Variants in DOCK9 observed in about 807,000 individuals in gnomAD.
The protein encoded by DOCK9 is dedicator of cytokinesis 9.
DOCK9 carries 89 observed loss-of-function variants against 263.3 expected under a neutral mutation model. The observed-to-expected ratio is 0.34, with a 90% confidence interval of 0.28 to 0.40. DOCK9 has a LOEUF of 0.40. DOCK9 is among the 10% of genes least tolerant of loss of function. DOCK9 has a pLI of 1.00. For missense variants in DOCK9, 2,140 were observed against 2,603.4 expected, an observed-to-expected ratio of 0.82 and a Z score of 3.87; for synonymous variants, 976 against 973.1, an observed-to-expected ratio of 1.00 and a Z score of -0.06.
At chr13:98,947,506 A>T (rs1430389034) in intron 2 of DOCK9, among the ~76,000 whole-genome samples, 2 of 123,800 alleles carry the variant, frequency 1.6e-5, no homozygotes, top group South Asian at 2.6e-4. Context: ...TCTATTCAGA[A>T]TTTTTTTTTT....
At chr13:99,006,749 A>C (rs1322656199) in intron 1 of DOCK9, among the ~76,000 whole-genome samples, 1 of 152,308 alleles carries the variant, frequency 6.6e-6, no homozygotes, top group East Asian at 1.9e-4. Flanking sequence ...AATTTTCTAC[A>C]GTACTTATGT....
rs116079626 is a variant in DOCK9 at position 99,065,186 on chromosome 13, T to C, written c.129+21037A>G. The stretch of plus-strand genomic sequence containing the variant: ...AAGGAGGATTATTAATCAAAATTCA[T>C]TGAATAAATAAATGTCCTAATCTAA... On this transcript the variant is annotated intron_variant, in intron 1 of 32. Transcript: ENST00000427887. Among the ~76,000 whole-genome samples the C allele has an allele frequency of 6.7e-3, 1,023 of 152,288 alleles. 12 individuals carry two copies. The highest frequency in any genetic ancestry group is 0.024 in the African/African-American group (995 of 41,562).
intron 1 of DOCK9, among the ~76,000 whole-genome samples, chr13:99,004,784 G>GACAC (rs10533387): frequency 0.024 from 3,512 of 148,104 alleles, 47 homozygotes; most frequent in East Asian, 0.05. Flanking sequence ...AAAAACTATA[G>GACAC]ACACACACAC....
At chr13:98,889,204 G>A (rs2046254502) in intron 15 of DOCK9, among the ~76,000 whole-genome samples, 1 of 152,150 alleles carries the variant, frequency 6.6e-6, no homozygotes, top group African/African-American at 2.4e-5. Flanking sequence ...GGATGCAAAG[G>A]CAGTAGAATG....
chr13:98,880,914 C>T (rs2044646414), intron 25 of DOCK9, among the ~76,000 whole-genome samples: 1 of 151,932 alleles, frequency 6.6e-6, no homozygotes, highest in South Asian at 2.1e-4. Flanking sequence ...CCCGTAACTC[C>T]ACCTGTGCCA....
intron 2 of DOCK9, among the ~76,000 whole-genome samples, chr13:98,935,142 ATTAAC>A (rs1220836211): frequency 6.6e-6 from 1 of 152,202 alleles, no homozygotes; most frequent in Non-Finnish European, 1.5e-5. Context: ...GAAAGCTAAA[ATTAAC>A]TTAAGCTAAA....
chr13:98,804,018 T>G (rs2090415761), intron 49 of DOCK9, among the ~76,000 whole-genome samples: 1 of 152,004 alleles, frequency 6.6e-6, no homozygotes, highest in Admixed American at 6.6e-5. Context: ...AGCATACGCT[T>G]CGCCGGTGAG....
chr13:98,952,983 A>G (rs7320485), intron 2 of DOCK9, among the ~76,000 whole-genome samples: 30,400 of 152,124 alleles, frequency 0.2, 3,537 homozygotes, highest in African/African-American at 0.32. Flanking sequence ...TCTGCCTCTA[A>G]TAATACAATA....
At chr13:98,927,274 TTGAG>T (rs1250490410) in intron 3 of DOCK9, among the ~76,000 whole-genome samples, 1 of 152,260 alleles carries the variant, frequency 6.6e-6, no homozygotes, top group Non-Finnish European at 1.5e-5. Flanking sequence ...TTTTCACATT[TTGAG>T]TATCATACAT....
intron 9 of DOCK9, among the ~76,000 whole-genome samples, chr13:98,905,984 T>C (rs955840578): frequency 2.6e-5 from 4 of 152,158 alleles, no homozygotes; most frequent in African/African-American, 9.7e-5. Context: ...GCAGGGCCGA[T>C]TAACAAATCC....
Position 98,829,181 on chromosome 13 carries a change from A to T in DOCK9, c.4965+126T>A. The T allele has an allele frequency of 1.2e-6, 1 of 837,004 alleles. No homozygotes were observed. The highest frequency in any genetic ancestry group is 1.8e-6 in the Non-Finnish European group (1 of 546,168). 51.8% of individuals were successfully genotyped at this position (837,004 alleles called of 1,614,324 possible). A position where few individuals can be genotyped will look rare whatever the true frequency, so the allele number is the denominator to read the frequency against. On this transcript the variant is annotated intron_variant, in intron 43 of 52. Coordinates refer to ENST00000682017, the MANE Select transcript of DOCK9 (RefSeq NM_001366683.2). The surrounding 1 kb of genome is among the most constrained non-coding windows in gnomAD (Gnocchi z 4.1). ...GTCACCCTAAGCTTCATACTGTTTA[A>T]AGTTTTGCATACTTTTAATTGGTTT...
At chr13:98,852,509 C>G (rs1248873466) in intron 35 of DOCK9, among the ~76,000 whole-genome samples, 2 of 151,968 alleles carry the variant, frequency 1.3e-5, no homozygotes, top group Admixed American at 1.3e-4. Flanking sequence ...TATTTTCAAG[C>G]AGAAATACCT....
intron 1 of DOCK9, among the ~76,000 whole-genome samples, chr13:99,032,548 G>A (rs1325263722): frequency 1.3e-5 from 2 of 151,650 alleles, no homozygotes; most frequent in African/African-American, 4.8e-5. Flanking sequence ...CCCCTCTTTG[G>A]GAAAGATAAG....
intron 1 of DOCK9, among the ~76,000 whole-genome samples, chr13:99,008,184 G>GA (rs1883687616): frequency 1.3e-5 from 1 of 78,148 alleles, no homozygotes; most frequent in African/African-American, 4.4e-5. Flanking sequence ...ATATTGTGCA[G>GA]CCTCTCTCTC....
At chr13:99,042,381 C>T (rs1366340580) in intron 1 of DOCK9, among the ~76,000 whole-genome samples, 1 of 152,228 alleles carries the variant, frequency 6.6e-6, no homozygotes, top group Non-Finnish European at 1.5e-5. Flanking sequence ...CACTGTCCAG[C>T]CTTCTCTTCC....
In DOCK9 at chr13:98,903,255, G is replaced by A. The variant is rs541434174; in HGVS notation, c.1036-143C>T. On this transcript the variant is annotated intron_variant, in intron 10 of 52. Transcript: ENST00000682017. The stretch of plus-strand genomic sequence containing the variant: ...ACAATAGTGTTGCTATTATATAATC[G>A]GTTTCTATGGTTTATAGTAGTTACA... 125 of 664,064 alleles carry A rather than the reference G, an allele frequency of 1.9e-4. No homozygotes were observed. The South Asian group carries it at 2.9e-3, about 15-fold the overall frequency. The allele number at this position is 664,064 out of a possible 1,614,324, so 41.1% of individuals were successfully genotyped here.
At chr13:99,047,285 T>C (rs1331667862) in intron 1 of DOCK9, among the ~76,000 whole-genome samples, 1 of 152,174 alleles carries the variant, frequency 6.6e-6, no homozygotes, top group Non-Finnish European at 1.5e-5. Context: ...AGATTCAGGC[T>C]CTCTCTGGAT....
chr13:98,996,912 A>G (rs6491474), intron 1 of DOCK9, among the ~76,000 whole-genome samples: 83,018 of 151,910 alleles, frequency 0.55, 22,941 homozygotes, highest in South Asian at 0.68. Flanking sequence ...AAAAATGCGG[A>G]TCTTCTGAAA....
chr13:98,827,528 G>T (rs896046179), intron 43 of DOCK9, among the ~76,000 whole-genome samples: 1 of 152,252 alleles, frequency 6.6e-6, no homozygotes, highest in African/African-American at 2.4e-5. Context: ...TGTCAGCGGG[G>T]TGAGCGCCAC....
Sources: gnomAD v4.1 joint callset for allele counts (sites outside exome capture counted in the v4.1 genomes callset) on GRCh38, gnomAD v4.1.1 for gene constraint, Gnocchi (gnomAD v3.1) non-coding constraint, MANE v1.5 for transcripts, NCBI Gene and HGNC (gene_info 2026-07-23, HGNC 2026-07-21) for gene names.